SGMS1: variants seen among roughly 807,000 people sequenced by gnomAD.
SGMS1 encodes sphingomyelin synthase 1, also known as phosphatidylcholine:ceramide cholinephosphotransferase 1.
SGMS1 carries 13 observed loss-of-function variants against 46.2 expected under a neutral mutation model. That is an observed-to-expected ratio of 0.28 (90% CI 0.18 to 0.45). SGMS1 has a LOEUF of 0.45. SGMS1 is among the 20% of genes least tolerant of loss of function. The pLI is 1.00. For missense variants in SGMS1, 324 were observed against 519.9 expected, an observed-to-expected ratio of 0.62 and a Z score of 3.66; for synonymous variants, 203 against 187.8, an observed-to-expected ratio of 1.08 and a Z score of -0.66.
chr10:50,530,597 G>A (rs946063508), intron 2 of SGMS1, among the ~76,000 whole-genome samples: 1 of 151,896 alleles, frequency 6.6e-6, no homozygotes, highest in Non-Finnish European at 1.5e-5. Context: ...CGATCCTCCC[G>A]CCTCAGCCTC....
chr10:50,620,199 C>T (rs1055709465), intron 1 of SGMS1, among the ~76,000 whole-genome samples: 1 of 152,242 alleles, frequency 6.6e-6, no homozygotes, highest in Non-Finnish European at 1.5e-5. Flanking sequence ...CCTCCCAACT[C>T]CCACATCCAA....
In SGMS1 at chr10:50,418,216, T is replaced by G. The variant is rs548117030; in HGVS notation, c.-232+15260A>C. The G allele has an allele frequency of 4.6e-5, 7 of 152,202 alleles. No homozygotes were observed. The East Asian group carries it at 1.4e-3, about 29-fold the overall frequency. The allele number at this position is 152,202 out of a possible 1,614,324, so 9.4% of individuals were successfully genotyped here. A position where few individuals can be genotyped will look rare whatever the true frequency, so the allele number is the denominator to read the frequency against. ...GCGCGCAGACCCCGGGCGCGGCTCT[T>G]GCTGGGCGCCCGCGCCTTGATCGGT... On this transcript the variant is annotated intron_variant, in intron 6 of 10. Transcript: ENST00000361781.
chr10:50,316,372 C>G (rs2133286976), intron 8 of SGMS1, among the ~76,000 whole-genome samples: 1 of 152,254 alleles, frequency 6.6e-6, no homozygotes, highest in African/African-American at 2.4e-5. Flanking sequence ...CAAGGCAGAC[C>G]CTATCTGCTG....
intron 3 of SGMS1, among the ~76,000 whole-genome samples, chr10:50,483,216 A>T (rs1279924125): frequency 6.6e-6 from 1 of 152,048 alleles, no homozygotes; most frequent in Non-Finnish European, 1.5e-5. Flanking sequence ...AGTGGCTGGG[A>T]TTAGAGGCAT....
intron 2 of SGMS1, among the ~76,000 whole-genome samples, chr10:50,564,454 G>A (rs1838270870): frequency 6.6e-6 from 1 of 152,110 alleles, no homozygotes; most frequent in Non-Finnish European, 1.5e-5. Context: ...TTTTCCTCTT[G>A]GGATCACACA....
At chr10:50,449,427 C>G (rs1837071497) in intron 5 of SGMS1, among the ~76,000 whole-genome samples, 1 of 152,112 alleles carries the variant, frequency 6.6e-6, no homozygotes, top group African/African-American at 2.4e-5. Context: ...AGGTCCAGTG[C>G]TTATGAACTA....
intron 2 of SGMS1, among the ~76,000 whole-genome samples, chr10:50,576,522 T>A (rs1838386508): frequency 6.6e-6 from 1 of 151,790 alleles, no homozygotes; most frequent in African/African-American, 2.4e-5. Context: ...GCAGGGGGAG[T>A]CCCATAATAG....
intron 2 of SGMS1, among the ~76,000 whole-genome samples, chr10:50,587,204 AT>A (rs1288375764): frequency 1.3e-5 from 2 of 148,428 alleles, no homozygotes; most frequent in East Asian, 2.1e-4. Flanking sequence ...TTAAAGGCAG[AT>A]TTTTTTCAAT....
At chr10:50,344,403 C>T (rs968357405) in intron 6 of SGMS1, 58 bp from the exon 7 acceptor site, 5 of 367,442 alleles carry the variant, frequency 1.4e-5, no homozygotes, top group African/African-American at 1.0e-4. Context: ...CCTCTCAAAA[C>T]GCAAAGCCTT....
chr10:50,554,836 A>C (rs921180852), intron 2 of SGMS1, among the ~76,000 whole-genome samples: 2 of 152,222 alleles, frequency 1.3e-5, no homozygotes, highest in Non-Finnish European at 2.9e-5. Context: ...ATGTTCTACA[A>C]GTTGCTTTTT....
chr10:50,585,006 C>T (rs889613360), intron 2 of SGMS1, among the ~76,000 whole-genome samples: 4 of 152,154 alleles, frequency 2.6e-5, no homozygotes, highest in Non-Finnish European at 4.4e-5. Context: ...AATATATATA[C>T]AAGCACATAT....
At position 50,306,979 on chromosome 10, in the gene SGMS1, G is replaced by T; in HGVS notation, c.*163C>A. ...ATTGTTGTCCAACGCAGGTCCTTTGGAGAGAAAAAAAGATCACAGTGCTGA... is the reference window on the plus strand; with the variant it reads ...ATTGTTGTCCAACGCAGGTCCTTTGTAGAGAAAAAAAGATCACAGTGCTGA... On this transcript the variant is annotated 3_prime_UTR_variant, in exon 11 of 11. Coordinates refer to ENST00000361781, the MANE Select transcript of SGMS1 (RefSeq NM_147156.4). 1.5e-6 allele frequency: 1 copy of T among 673,030 alleles called. No individual in the cohort carries two copies. The highest frequency in any genetic ancestry group is 2.4e-6 in the Non-Finnish European group (1 of 414,070). 41.7% of individuals were successfully genotyped at this position (673,030 alleles called of 1,614,324 possible). A position where few individuals can be genotyped will look rare whatever the true frequency, so the allele number is the denominator to read the frequency against.
chr10:50,425,388 A>C (rs931295892), intron 6 of SGMS1, among the ~76,000 whole-genome samples: 79 of 152,348 alleles, frequency 5.2e-4, no homozygotes, highest in African/African-American at 1.9e-3. Context: ...AATGTGGTAC[A>C]TACATGCCAT....
intron 8 of SGMS1, among the ~76,000 whole-genome samples, chr10:50,320,456 C>T (rs1332955524): frequency 6.6e-6 from 1 of 152,150 alleles, no homozygotes; most frequent in African/African-American, 2.4e-5. Flanking sequence ...CTACTTAAGT[C>T]TACTTCCCTC....
chr10:50,561,216 A>T (rs1838233680), intron 2 of SGMS1, among the ~76,000 whole-genome samples: 1 of 152,228 alleles, frequency 6.6e-6, no homozygotes, highest in Non-Finnish European at 1.5e-5. Context: ...TGGCATGTGA[A>T]TGTTTACCGT....
At chr10:50,323,096 C>G (rs1418604523) in intron 8 of SGMS1, among the ~76,000 whole-genome samples, 1 of 152,186 alleles carries the variant, frequency 6.6e-6, no homozygotes, top group East Asian at 1.9e-4. Context: ...TTATGGGAAG[C>G]CTACTTTTCC....
intron 2 of SGMS1, among the ~76,000 whole-genome samples, chr10:50,553,690 T>C (rs1265362960): frequency 1.3e-5 from 2 of 152,192 alleles, no homozygotes; most frequent in Non-Finnish European, 2.9e-5. Flanking sequence ...CTCAATAAAC[T>C]ATGACAGCTA....
intron 5 of SGMS1, among the ~76,000 whole-genome samples, chr10:50,443,195 T>C (rs1188486705): frequency 6.6e-6 from 1 of 152,204 alleles, no homozygotes; most frequent in South Asian, 2.1e-4. Flanking sequence ...ACAACCCTAA[T>C]GTAGATAAGG....
chr10:50,502,427 G>C (rs570229939), intron 3 of SGMS1, among the ~76,000 whole-genome samples: 1 of 152,012 alleles, frequency 6.6e-6, no homozygotes, highest in African/African-American at 2.4e-5. Flanking sequence ...ATCCCACTGA[G>C]AGCCCAGTTC....
Sources: allele counts gnomAD v4.1 joint callset (sites outside exome capture counted in the v4.1 genomes callset), GRCh38; gene constraint gnomAD v4.1.1; transcripts MANE v1.5; gene names NCBI Gene and HGNC (gene_info 2026-07-23, HGNC 2026-07-21).